The following NEMP2 variants were observed in gnomAD, a reference collection of about 807,000 sequenced individuals.
NEMP2 encodes nuclear envelope integral membrane protein 2, also known as UPF0571 transmembrane protein.
A neutral mutation model predicts 54.2 loss-of-function variants in NEMP2; 53 were observed. The ratio of observed to expected loss-of-function variants is 0.98; its 90% confidence interval spans 0.78 to 1.23. The LOEUF is 1.23. Among genes scored for constraint, NEMP2 ranks in the 50% most tolerant of loss-of-function variants. The pLI is 0.00. For missense variants in NEMP2, 455 were observed against 511.3 expected (o/e 0.89, Z 1.06); for synonymous variants, 197 against 190.3 (o/e 1.04, Z -0.29).
At chr2:190,473,133 T>TG in the NEMP2 span, among the ~76,000 whole-genome samples, 1 of 151,804 alleles carries the variant, frequency 6.6e-6, no homozygotes, top group African/African-American at 2.4e-5. Flanking sequence ...TGCAAAAACA[T>TG]GCCAAATTGT....
chr2:190,425,092 TG>T, the NEMP2 span, among the ~76,000 whole-genome samples: 2 of 152,182 alleles, frequency 1.3e-5, no homozygotes, highest in African/African-American at 4.8e-5. This position sits in a 1 kb window ranked among gnomAD's most constrained non-coding sequence, Gnocchi z 4.3. Flanking sequence ...TATACCCAAG[TG>T]TTTCTTTTTT....
the NEMP2 span, among the ~76,000 whole-genome samples, chr2:190,616,190 G>C: frequency 6.6e-6 from 1 of 152,318 alleles, no homozygotes; most frequent in East Asian, 1.9e-4. The surrounding 1 kb of genome is among the most constrained non-coding windows in gnomAD (Gnocchi z 5.1). Context: ...ATGGAGTGAG[G>C]AGGGATGCTG....
the NEMP2 span, among the ~76,000 whole-genome samples, chr2:190,589,694 C>T: frequency 1.3e-5 from 2 of 152,130 alleles, no homozygotes; most frequent in African/African-American, 4.8e-5. The surrounding 1 kb of genome is among the most constrained non-coding windows in gnomAD (Gnocchi z 4.3). Context: ...CAACACAAAA[C>T]CAAAAATGAA....
the NEMP2 span, among the ~76,000 whole-genome samples, chr2:190,616,585 A>G: frequency 1.3e-5 from 2 of 152,172 alleles, no homozygotes; most frequent in African/African-American, 2.4e-5. The surrounding 1 kb of genome is among the most constrained non-coding windows in gnomAD (Gnocchi z 5.1). Flanking sequence ...ATGTGCTCAC[A>G]CTCCAAAACA....
At chr2:190,440,503 G>A in the NEMP2 span, among the ~76,000 whole-genome samples, 3 of 152,150 alleles carry the variant, frequency 2.0e-5, no homozygotes, top group African/African-American at 7.2e-5. Context: ...ATGATTAACA[G>A]GATATAAATG....
chr2:190,479,933 C>T, the NEMP2 span, among the ~76,000 whole-genome samples: 1 of 152,150 alleles, frequency 6.6e-6, no homozygotes, highest in Non-Finnish European at 1.5e-5. Flanking sequence ...TCTTATTTAG[C>T]ATGCTTATTC....
chr2:190,516,933 A>G (rs1329635231), intron 5 of NEMP2, among the ~76,000 whole-genome samples: 4 of 152,096 alleles, frequency 2.6e-5, no homozygotes, highest in African/African-American at 9.7e-5. Flanking sequence ...TCTACAAAAA[A>G]TACAAAAATT....
chr2:190,489,721 T>C, the NEMP2 span: 2 of 1,542,066 alleles, frequency 1.3e-6, no homozygotes, highest in Non-Finnish European at 1.8e-6. This position sits in a 1 kb window ranked among gnomAD's most constrained non-coding sequence, Gnocchi z 6.6. Flanking sequence ...ATGAGCGCTA[T>C]CTGCATTTCT....
chr2:190,427,233 G>A, the NEMP2 span, among the ~76,000 whole-genome samples: 2 of 152,312 alleles, frequency 1.3e-5, no homozygotes, highest in African/African-American at 4.8e-5. Flanking sequence ...TTACTGCCTA[G>A]CAGGGATGAA....
chr2:190,448,462 T>G, the NEMP2 span, among the ~76,000 whole-genome samples: 1 of 152,090 alleles, frequency 6.6e-6, no homozygotes, highest in Non-Finnish European at 1.5e-5. Flanking sequence ...AGTCATAAGG[T>G]GAAATGTTAA....
the NEMP2 span, chr2:190,477,421 C>T: frequency 1.7e-5 from 16 of 917,532 alleles, no homozygotes; most frequent in Non-Finnish European, 2.1e-5. Context: ...TATAATAATA[C>T]ATGCATATAA....
chr2:190,515,402 C>T (rs1690517770), intron 6 of NEMP2, among the ~76,000 whole-genome samples: 1 of 152,090 alleles, frequency 6.6e-6, no homozygotes, highest in South Asian at 2.1e-4. Flanking sequence ...ATTTACAGGA[C>T]AAAACAGATA....
chr2:190,516,412 AT>A, intron 5 of NEMP2, 28 bp from the exon 6 acceptor site: 1 of 1,505,368 alleles, frequency 6.6e-7, no homozygotes, highest in Admixed American at 2.3e-5. Context: ...TAAATGACAC[AT>A]TTTTTGGTTC....
At position 190,517,514 on chromosome 2, in the gene NEMP2, G is replaced by C. The variant is rs1252824716; in HGVS notation, c.612+6C>G. ...TTTTTTACTCATTTTCACATAGTAT[G>C]CCTACCTTCGGAATGAATCTTTTCA... is the stretch of plus-strand genomic sequence containing the variant. On this transcript the variant is annotated splice_donor_region_variant and intron_variant, in intron 5 of 8. Coordinates refer to ENST00000409150, the MANE Select transcript of NEMP2 (RefSeq NM_001142645.2). 5.8e-6 allele frequency: 9 copies of C among 1,540,016 alleles called. No homozygotes were observed. The highest frequency in any genetic ancestry group is 3.4e-4 in the Middle Eastern group (2 of 5,964).
chr2:190,615,018 A>C, the NEMP2 span, among the ~76,000 whole-genome samples: 1 of 152,218 alleles, frequency 6.6e-6, no homozygotes, highest in Non-Finnish European at 1.5e-5. The surrounding 1 kb of genome is among the most constrained non-coding windows in gnomAD (Gnocchi z 4.7). Flanking sequence ...GTTTTCTCCT[A>C]CTATGCTCTC....
At chr2:190,495,172 G>T in the NEMP2 span, among the ~76,000 whole-genome samples, 1 of 151,396 alleles carries the variant, frequency 6.6e-6, no homozygotes, top group Non-Finnish European at 1.5e-5. The surrounding 1 kb of genome is among the most constrained non-coding windows in gnomAD (Gnocchi z 4.7). Context: ...CAAAATTAAT[G>T]TACACAAATC....
At chr2:190,643,231 A>G in the NEMP2 span, among the ~76,000 whole-genome samples, 4 of 152,220 alleles carry the variant, frequency 2.6e-5, no homozygotes, top group African/African-American at 7.2e-5. Flanking sequence ...TTAAGTAACT[A>G]AAGATGCATA....
chr2:190,539,406 C>T (rs941627709), upstream of NEMP2, among the ~76,000 whole-genome samples: 8 of 152,180 alleles, frequency 5.3e-5, no homozygotes, highest in South Asian at 2.1e-4. The surrounding 1 kb of genome is among the most constrained non-coding windows in gnomAD (Gnocchi z 4.1). Flanking sequence ...TTGTTCTTTT[C>T]GCCCAGGATT....
the NEMP2 span, among the ~76,000 whole-genome samples, chr2:190,460,796 C>A: frequency 6.6e-6 from 1 of 152,174 alleles, no homozygotes; most frequent in Admixed American, 6.5e-5. Flanking sequence ...GTCCATTTGT[C>A]ATCCCTGCGA....
Sources: allele counts gnomAD v4.1 joint callset (sites outside exome capture counted in the v4.1 genomes callset), GRCh38; gene constraint gnomAD v4.1.1; non-coding constraint Gnocchi (gnomAD v3.1); transcripts MANE v1.5; gene names NCBI Gene and HGNC (gene_info 2026-07-23, HGNC 2026-07-21).